The following KCNMB2 variants were observed in gnomAD, a reference collection of about 807,000 sequenced individuals.
KCNMB2 encodes calcium-activated potassium channel subunit beta-2.
KCNMB2 carries 9 observed loss-of-function variants against 24.5 expected under a neutral mutation model. The ratio of observed to expected loss-of-function variants is 0.37; its 90% confidence interval spans 0.22 to 0.64. The LOEUF (loss-of-function observed/expected upper bound fraction) is 0.64, where lower values mean the gene tolerates loss of function less well. Among genes scored for constraint, KCNMB2 ranks in the 30% least tolerant of loss-of-function variants. The pLI is 0.63. For missense variants in KCNMB2, 226 were observed against 284.3 expected, an observed-to-expected ratio of 0.79 and a Z score of 1.47; for synonymous variants, 109 against 104.4, an observed-to-expected ratio of 1.04 and a Z score of -0.27.
At chr3:178,771,080 G>A (rs142490589) in intron 1 of KCNMB2, among the ~76,000 whole-genome samples, 126 of 152,250 alleles carry the variant, frequency 8.3e-4, no homozygotes, top group African/African-American at 2.7e-3. Context: ...TGGTTTACCC[G>A]ATAACACCAA....
intron 1 of KCNMB2, among the ~76,000 whole-genome samples, chr3:178,635,408 T>TAC (rs58294929): frequency 0.053 from 7,617 of 144,890 alleles, 351 homozygotes; most frequent in African/African-American, 0.13. Context: ...TGCTTATGCA[T>TAC]ACACACACAC....
intron 1 of KCNMB2, among the ~76,000 whole-genome samples, chr3:178,756,453 T>C (rs1041791475): frequency 3.1e-4 from 47 of 152,208 alleles, no homozygotes; most frequent in Admixed American, 3.0e-3. Context: ...GTGTGTTTTA[T>C]GTGTGTTTCT....
intron 1 of KCNMB2, among the ~76,000 whole-genome samples, chr3:178,782,545 T>A (rs1712901867): frequency 1.3e-5 from 2 of 148,478 alleles, no homozygotes; most frequent in East Asian, 2.0e-4. Flanking sequence ...TGGCCAGTGA[T>A]GATGAGCATT....
intron 1 of KCNMB2, among the ~76,000 whole-genome samples, chr3:178,645,340 G>A (rs955683065): frequency 6.6e-6 from 1 of 152,026 alleles, no homozygotes; most frequent in Admixed American, 6.6e-5. Context: ...ATGAGCCACC[G>A]CACCCAGCCT....
At chr3:178,630,120 C>T (rs1327910106) in intron 1 of KCNMB2, among the ~76,000 whole-genome samples, 1 of 152,160 alleles carries the variant, frequency 6.6e-6, no homozygotes, top group Admixed American at 6.5e-5. Flanking sequence ...TAAATGACCA[C>T]AAAGTCCATT....
intron 1 of KCNMB2, among the ~76,000 whole-genome samples, chr3:178,574,291 G>A (rs2108481318): frequency 6.6e-6 from 1 of 152,330 alleles, no homozygotes; most frequent in African/African-American, 2.4e-5. Context: ...CACACAGGCA[G>A]CAGGCTGTGA....
chr3:178,564,591 A>G lies in KCNMB2; in HGVS notation c.-68+27880A>G, dbSNP rs7633778. On this transcript the variant is annotated intron_variant, in intron 1 of 4. Coordinates refer to ENST00000452583, the MANE Select transcript of KCNMB2 (RefSeq NM_181361.3). Reference sequence around the variant, plus strand: ...TAGCAGGCACAGTGCTAGGTGATTTACATGCATTGCCTTATCGAATCCCCA... The same window carrying G: ...TAGCAGGCACAGTGCTAGGTGATTTGCATGCATTGCCTTATCGAATCCCCA... Among the ~76,000 whole-genome samples, 1,241 of 152,328 alleles carry G rather than the reference A, an allele frequency of 8.1e-3. 16 individuals are homozygous for G. The highest frequency in any genetic ancestry group is 0.029 in the African/African-American group (1,190 of 41,576).
At chr3:178,686,697 A>G (rs1025651457) in intron 1 of KCNMB2, among the ~76,000 whole-genome samples, 2 of 152,174 alleles carry the variant, frequency 1.3e-5, no homozygotes, top group Non-Finnish European at 2.9e-5. Flanking sequence ...ACCTAAGTCC[A>G]TGTCTGTATA....
intron 1 of KCNMB2, among the ~76,000 whole-genome samples, chr3:178,664,965 A>T (rs1258611687): frequency 6.6e-6 from 1 of 152,168 alleles, no homozygotes; most frequent in Non-Finnish European, 1.5e-5. Flanking sequence ...AATGTGCTTC[A>T]TGTATCATAC....
chr3:178,625,919 G>T (rs1020398898), intron 1 of KCNMB2, among the ~76,000 whole-genome samples: 1 of 152,156 alleles, frequency 6.6e-6, no homozygotes, highest in Non-Finnish European at 1.5e-5. Context: ...ACTTGATCTT[G>T]CCATAAGTAT....
chr3:178,697,711 C>A (rs1721931482), intron 1 of KCNMB2, among the ~76,000 whole-genome samples: 4 of 152,224 alleles, frequency 2.6e-5, no homozygotes, highest in African/African-American at 9.6e-5. Flanking sequence ...GGTATGTGTC[C>A]TTCAGTGTGT....
intron 1 of KCNMB2, among the ~76,000 whole-genome samples, chr3:178,544,161 C>G (rs539561932): frequency 3.3e-5 from 5 of 152,104 alleles, no homozygotes; most frequent in Admixed American, 6.6e-5. Context: ...GGGTAAATGC[C>G]CACATGGTCA....
chr3:178,745,244 G>C (rs1403293770), intron 1 of KCNMB2, among the ~76,000 whole-genome samples: 1 of 152,138 alleles, frequency 6.6e-6, no homozygotes, highest in African/African-American at 2.4e-5. Context: ...CACGTGGCTG[G>C]GGAAGCCTCA....
chr3:178,780,708 T>C (rs80088035), intron 1 of KCNMB2, among the ~76,000 whole-genome samples: 21,422 of 152,128 alleles, frequency 0.14, 1,836 homozygotes, highest in Admixed American at 0.18. Flanking sequence ...ACTTGAAAAT[T>C]TGCATGACCT....
chr3:178,587,121 T>G (rs1440193104), intron 1 of KCNMB2, among the ~76,000 whole-genome samples: 2 of 152,204 alleles, frequency 1.3e-5, no homozygotes, highest in South Asian at 2.1e-4. Context: ...AGGACATGGT[T>G]TGAACTCTAT....
At chr3:178,626,560 A>G (rs1719125323) in intron 1 of KCNMB2, among the ~76,000 whole-genome samples, 1 of 152,176 alleles carries the variant, frequency 6.6e-6, no homozygotes, top group Admixed American at 6.5e-5. Flanking sequence ...GGGGAAGCAA[A>G]TATGTCCTTC....
At chr3:178,608,971 A>C (rs1257012449) in intron 1 of KCNMB2, among the ~76,000 whole-genome samples, 1 of 152,154 alleles carries the variant, frequency 6.6e-6, no homozygotes, top group East Asian at 1.9e-4. Context: ...CTATCTCTTC[A>C]ATATACTGAT....
intron 1 of KCNMB2, among the ~76,000 whole-genome samples, chr3:178,668,652 TAC>T (rs1720799928): frequency 6.6e-6 from 1 of 152,158 alleles, no homozygotes; most frequent in African/African-American, 2.4e-5. Flanking sequence ...ATAGTATTGC[TAC>T]AGTGTGTAAA....
At chr3:178,787,289 A>G (rs1713144792) in intron 1 of KCNMB2, among the ~76,000 whole-genome samples, 1 of 152,224 alleles carries the variant, frequency 6.6e-6, no homozygotes, top group Non-Finnish European at 1.5e-5. Context: ...TTCACACATT[A>G]ACTCACATGT....
Sources: gnomAD v4.1 joint callset for allele counts (sites outside exome capture counted in the v4.1 genomes callset) on GRCh38, gnomAD v4.1.1 for gene constraint, MANE v1.5 for transcripts, NCBI Gene and HGNC (gene_info 2026-07-23, HGNC 2026-07-21) for gene names.